The following XYLB variants were observed in gnomAD, a reference collection of about 807,000 sequenced individuals.
The protein encoded by XYLB is xylulose kinase.
XYLB carries 62 observed loss-of-function variants against 78.7 expected under a neutral mutation model. The observed-to-expected ratio is 0.79, with a 90% CI of 0.64 to 0.97. XYLB has a LOEUF of 0.97. Ranked by LOEUF, XYLB falls within the 50% of genes least tolerant of loss-of-function variation. The probability of loss-of-function intolerance (pLI) is 0.00; values close to 1 mark genes in which losing one functional copy is unlikely to be tolerated. For synonymous variants in XYLB, 245 were observed against 247.4 expected (o/e 0.99, Z 0.09); for missense variants, 687 against 676.8 (o/e 1.02, Z -0.17).
At chr3:38,452,361 C>A in the XYLB span, 64,417 of 151,980 alleles carry the variant, frequency 0.42, 15,933 homozygotes, top group Non-Finnish European at 0.57. Flanking sequence ...CTGAGGTGTT[C>A]CTGCTGCTCT....
intron 16 of XYLB, among the ~76,000 whole-genome samples, chr3:38,395,959 G>A (rs1707853978): frequency 6.6e-6 from 1 of 152,188 alleles, no homozygotes; most frequent in Admixed American, 6.5e-5. Context: ...GACTGTTACT[G>A]TCCTTCTGGT....
chr3:38,376,301 G>T, intron 13 of XYLB, 69 bp downstream of exon 13: 1 of 1,148,842 alleles, frequency 8.7e-7, no homozygotes, highest in South Asian at 1.2e-5. Flanking sequence ...CAGAGCCTGG[G>T]GCCCCATGAG....
At chr3:38,397,215 C>T in intron 17 of XYLB, 56 bp downstream of exon 17, 4 of 1,549,894 alleles carry the variant, frequency 2.6e-6, no homozygotes, top group African/African-American at 1.4e-5. Flanking sequence ...ATGGGGTGGG[C>T]TGAGGAGGGT....
intron 9 of XYLB, 35 bp from the exon 10 acceptor site, chr3:38,372,620 C>A (rs199641770): frequency 1.3e-5 from 21 of 1,613,808 alleles, no homozygotes; most frequent in Non-Finnish European, 1.7e-5. Context: ...GGATTTACCT[C>A]AACAGAGCAC....
rs374597786 is a variant in XYLB, at chr3:38,375,301, G to C, written c.1004+42G>C. The C allele has an allele frequency of 2.6e-6, 4 of 1,559,584 alleles. No individual in the cohort carries two copies. The African/African-American group carries it at 5.4e-5, about 21-fold the overall frequency. On this transcript the variant is annotated intron_variant, in intron 12 of 18. Transcript: ENST00000207870. The stretch of plus-strand genomic sequence containing the variant: ...GTTGGCACCATTCCCTGGGTGAGGA[G>C]GTGTGGGCAGGTCTGGCACCATCTT...
intron 4 of XYLB, among the ~76,000 whole-genome samples, chr3:38,364,326 C>A (rs1706131165): frequency 6.6e-6 from 1 of 151,860 alleles, no homozygotes; most frequent in South Asian, 2.1e-4. Flanking sequence ...TCATTCTTCT[C>A]CAGGTCTCTA....
chr3:38,449,764 T>C, the XYLB span, among the ~76,000 whole-genome samples: 1 of 152,202 alleles, frequency 6.6e-6, no homozygotes, highest in African/African-American at 2.4e-5. Context: ...TAGAGCTTGT[T>C]TGTTGACCTC....
chr3:38,360,242 G>A (rs2125569478), intron 2 of XYLB, 97 bp from the exon 3 acceptor site: 1 of 1,167,254 alleles, frequency 8.6e-7, no homozygotes, highest in African/African-American at 1.5e-5. Context: ...TCCTTCATCT[G>A]GACATTTCCA....
rs367964289 is a variant in XYLB, at chr3:38,371,906, C to T, written c.766-749C>T. On this transcript the variant is annotated intron_variant, in intron 9 of 18. Transcript: ENST00000207870. ...CAGAGAAAGGGCAGACAGAAAACAG[C>T]CAAGCCACCGGGACTGGTAATCCAC... Among the ~76,000 whole-genome samples, 5 of 152,288 alleles carry T rather than the reference C, an allele frequency of 3.3e-5. No homozygotes were observed. In the East Asian group the frequency reaches 9.7e-4, roughly 29 times the overall value.
intron 2 of XYLB, among the ~76,000 whole-genome samples, chr3:38,354,753 CTCGGCCTCCCAGGGTGCTGGGA>C (rs1462111068): frequency 6.6e-6 from 1 of 152,200 alleles, no homozygotes; most frequent in Non-Finnish European, 1.5e-5. Flanking sequence ...ATCCACCCAC[CTCGGCCTCCCAGGGTGCTGGGA>C]TTACAGGCGT....
downstream of XYLB, among the ~76,000 whole-genome samples, chr3:38,423,133 T>G (rs1460899557): frequency 6.6e-6 from 1 of 152,140 alleles, no homozygotes; most frequent in African/African-American, 2.4e-5. Flanking sequence ...AGTGCAGTGG[T>G]GCGATCTTGG....
At chr3:38,434,132 C>G in the XYLB span, among the ~76,000 whole-genome samples, 2 of 152,166 alleles carry the variant, frequency 1.3e-5, no homozygotes, top group Non-Finnish European at 2.9e-5. Context: ...ATCATGAGAA[C>G]AGCATGGGGA....
chr3:38,446,003 G>C, the XYLB span, among the ~76,000 whole-genome samples: 2 of 152,180 alleles, frequency 1.3e-5, no homozygotes, highest in Non-Finnish European at 2.9e-5. Flanking sequence ...GTGGACCTTT[G>C]TGGTGAGTGT....
At chr3:38,368,102 TCA>T in intron 7 of XYLB, 81 bp from the exon 8 acceptor site, 1 of 1,375,580 alleles carries the variant, frequency 7.3e-7, no homozygotes, top group African/African-American at 1.4e-5. Context: ...CAATTTTTTT[TCA>T]TGCTTTGTGT....
At chr3:38,387,955 A>T (rs1182777484) in intron 15 of XYLB, among the ~76,000 whole-genome samples, 5 of 151,984 alleles carry the variant, frequency 3.3e-5, no homozygotes, top group Admixed American at 6.5e-5. Context: ...TTTTACTGCC[A>T]TTTCCTGCTT....
At chr3:38,400,751 A>T (rs1225495975) in intron 17 of XYLB, 140 bp from the exon 18 acceptor site, 8 of 607,570 alleles carry the variant, frequency 1.3e-5, no homozygotes. Context: ...TTGATTTTTC[A>T]TAAATGTACT....
chr3:38,372,378 T>G lies in XYLB; in HGVS notation c.766-277T>G, dbSNP rs1331648557. 1.0e-5 allele frequency: 10 copies of G among 985,336 alleles called. No homozygotes were observed. In the South Asian group the frequency reaches 2.8e-4, roughly 28 times the overall value. 61.0% of individuals were successfully genotyped at this position (985,336 alleles called of 1,614,324 possible). On this transcript the variant is annotated intron_variant, in intron 9 of 18. Transcript: ENST00000207870. ...AGCAAGCACAAGTTAGGGGTTGGTT[T>G]GTTCTCTCTATCTTAAATCTCAAGA... is the stretch of plus-strand genomic sequence containing the variant.
At chr3:38,406,851 C>T (rs1381895648) in intron 18 of XYLB, among the ~76,000 whole-genome samples, 2 of 152,084 alleles carry the variant, frequency 1.3e-5, no homozygotes, top group African/African-American at 4.8e-5. Flanking sequence ...TAAAAAGAAA[C>T]AAGCAAAGCC....
intron 6 of XYLB, 40 bp from the exon 7 acceptor site, chr3:38,366,768 G>A: frequency 7.4e-7 from 1 of 1,354,812 alleles, no homozygotes; most frequent in African/African-American, 1.4e-5. Flanking sequence ...TTCATTCTGT[G>A]TAGGATTTGG....
Sources: gnomAD v4.1 joint callset for allele counts (sites outside exome capture counted in the v4.1 genomes callset) on GRCh38, gnomAD v4.1.1 for gene constraint, MANE v1.5 for transcripts, NCBI Gene and HGNC (gene_info 2026-07-23, HGNC 2026-07-21) for gene names.